TNR: variants seen among roughly 807,000 people sequenced by gnomAD.
TNR encodes tenascin-R.
Under a neutral mutation model 150.4 loss-of-function variants are expected in TNR, and 45 were observed. The ratio of observed to expected loss-of-function variants is 0.30; its 90% CI spans 0.24 to 0.38. TNR has a LOEUF of 0.38. Ranked by LOEUF, TNR falls within the 10% of genes least tolerant of loss-of-function variation. TNR has a pLI of 1.00. For synonymous variants in TNR, 687 were observed against 678.4 expected (o/e 1.01, Z -0.20); for missense variants, 1,544 against 1,759.1 (o/e 0.88, Z 2.19).
intron 2 of TNR, among the ~76,000 whole-genome samples, chr1:175,409,808 T>C (rs1654128348): frequency 6.6e-6 from 1 of 151,198 alleles, no homozygotes; most frequent in Non-Finnish European, 1.5e-5. Flanking sequence ...ATTAAGTACC[T>C]ATTATATGCT....
chr1:175,364,906 A>G, intron 12 of TNR, 104 bp downstream of exon 12: 2 of 1,394,692 alleles, frequency 1.4e-6, no homozygotes, highest in Non-Finnish European at 1.9e-6. Flanking sequence ...CCATAGAGGA[A>G]ATCCCCTACT....
chr1:175,610,927 GT>G (rs147546078), intron 1 of TNR, among the ~76,000 whole-genome samples: 2 of 152,202 alleles, frequency 1.3e-5, no homozygotes, highest in African/African-American at 4.8e-5. Context: ...CCACAGTAGA[GT>G]TTTTTACTAA....
intron 7 of TNR, among the ~76,000 whole-genome samples, chr1:175,391,052 A>G (rs1440077522): frequency 6.6e-6 from 1 of 152,230 alleles, no homozygotes; most frequent in Non-Finnish European, 1.5e-5. Context: ...AAATATTAAA[A>G]AAGAATTGTC....
chr1:175,506,487 C>T (rs1195781031), intron 2 of TNR, among the ~76,000 whole-genome samples: 3 of 152,104 alleles, frequency 2.0e-5, no homozygotes, highest in East Asian at 3.9e-4. Flanking sequence ...TTAATGAAGC[C>T]GTTAGGGTGG....
At chr1:175,367,405 GTCC>G in intron 9 of TNR, 108 bp from the exon 10 acceptor site, 1 of 863,422 alleles carries the variant, frequency 1.2e-6, no homozygotes, top group Non-Finnish European at 1.9e-6. Flanking sequence ...CTTGTGTTTA[GTCC>G]TCCTTGAATC....
At chr1:175,691,899 C>A (rs1039049839) in intron 1 of TNR, among the ~76,000 whole-genome samples, 4 of 152,186 alleles carry the variant, frequency 2.6e-5, no homozygotes, top group African/African-American at 9.7e-5. Flanking sequence ...ATTCCTGTCT[C>A]AAGACTCATC....
chr1:175,603,178 A>G (rs1056320019), intron 1 of TNR, among the ~76,000 whole-genome samples: 5 of 152,202 alleles, frequency 3.3e-5, no homozygotes, highest in African/African-American at 1.2e-4. Flanking sequence ...TAGACCTGGC[A>G]CTAAAGTATA....
At chr1:175,558,993 C>T (rs184344132) in intron 1 of TNR, among the ~76,000 whole-genome samples, 4 of 152,278 alleles carry the variant, frequency 2.6e-5, no homozygotes, top group African/African-American at 7.2e-5. Context: ...ATGTTGATAG[C>T]TAGGAAGGTT....
intron 1 of TNR, among the ~76,000 whole-genome samples, chr1:175,647,817 C>A (rs1237384440): frequency 6.6e-6 from 1 of 152,032 alleles, no homozygotes; most frequent in Non-Finnish European, 1.5e-5. Flanking sequence ...AGGAAGATGA[C>A]CCCATCAGTT....
chr1:175,632,792 C>T (rs185444617), intron 1 of TNR, among the ~76,000 whole-genome samples: 9 of 152,220 alleles, frequency 5.9e-5, no homozygotes, highest in African/African-American at 9.6e-5. Flanking sequence ...AGGACCATAC[C>T]GATGGTACAT....
At chr1:175,625,139 T>C (rs888795226) in intron 1 of TNR, among the ~76,000 whole-genome samples, 1 of 152,248 alleles carries the variant, frequency 6.6e-6, no homozygotes, top group Non-Finnish European at 1.5e-5. Context: ...GAGCCTTGAA[T>C]AGCCACAAAT....
At chr1:175,392,008 T>C (rs1653193642) in intron 6 of TNR, among the ~76,000 whole-genome samples, 1 of 152,190 alleles carries the variant, frequency 6.6e-6, no homozygotes, top group African/African-American at 2.4e-5. Flanking sequence ...GATGTCTTGT[T>C]TCCCCTTCAC....
intron 1 of TNR, among the ~76,000 whole-genome samples, chr1:175,710,377 T>C (rs1294864412): frequency 6.6e-6 from 1 of 152,118 alleles, no homozygotes; most frequent in Non-Finnish European, 1.5e-5. Flanking sequence ...TTGATTTCTG[T>C]CCTGCTTATG....
chr1:175,400,323 T>C (rs1377595340), intron 4 of TNR, among the ~76,000 whole-genome samples: 2 of 152,256 alleles, frequency 1.3e-5, no homozygotes, highest in Admixed American at 6.5e-5. Context: ...AGACCAGGAT[T>C]CTTTTTCTTA....
intron 1 of TNR, among the ~76,000 whole-genome samples, chr1:175,685,631 GA>G: frequency 6.6e-6 from 1 of 151,984 alleles, no homozygotes; most frequent in South Asian, 2.1e-4. Context: ...GCCTTTAAAG[GA>G]AAAAAATAGT....
In TNR at chr1:175,666,255, T is replaced by C. The variant is rs1665529689; in HGVS notation, c.-165+76971A>G. Among the ~76,000 whole-genome samples the C allele has an allele frequency of 2.6e-5, 4 of 152,222 alleles. No homozygotes were observed. The South Asian group carries it at 8.3e-4, about 32-fold the overall frequency. ...CTGCAGTGTCCTTTAAGATGGGACA[T>C]TGCCTGGCTTTATCTCTCTGGCCAA... is the stretch of plus-strand genomic sequence containing the variant. On this transcript the variant is annotated intron_variant, in intron 1 of 22. Transcript: ENST00000367674.
chr1:175,689,648 C>T (rs1257677810), intron 1 of TNR, among the ~76,000 whole-genome samples: 1 of 152,194 alleles, frequency 6.6e-6, no homozygotes, highest in Non-Finnish European at 1.5e-5. Context: ...AATAACCTTG[C>T]CTCTCATTGC....
At chr1:175,531,331 A>G (rs1387374689) in intron 1 of TNR, among the ~76,000 whole-genome samples, 1 of 152,236 alleles carries the variant, frequency 6.6e-6, no homozygotes, top group Non-Finnish European at 1.5e-5. Flanking sequence ...CAAGTCCTAC[A>G]GCCCTAATGA....
chr1:175,449,708 G>A (rs1211875564), intron 2 of TNR, among the ~76,000 whole-genome samples: 2 of 152,170 alleles, frequency 1.3e-5, no homozygotes, highest in African/African-American at 2.4e-5. Flanking sequence ...GGGATGGTTA[G>A]CATGTTGGGC....
Sources: allele counts gnomAD v4.1 joint callset (sites outside exome capture counted in the v4.1 genomes callset), GRCh38; gene constraint gnomAD v4.1.1; transcripts MANE v1.5; gene names NCBI Gene and HGNC (gene_info 2026-07-23, HGNC 2026-07-21).